The following PLCB4 variants were observed in gnomAD, a reference collection of about 807,000 sequenced individuals.
PLCB4 encodes 1-phosphatidylinositol 4,5-bisphosphate phosphodiesterase beta-4.
Under a neutral mutation model 178.8 loss-of-function variants are expected in PLCB4, and 77 were observed. That is an observed-to-expected ratio of 0.43 (90% confidence interval 0.36 to 0.52). The LOEUF (loss-of-function observed/expected upper bound fraction) is 0.52, where lower values mean the gene tolerates loss of function less well. Ranked by LOEUF, PLCB4 falls within the 20% of genes least tolerant of loss-of-function variation. The pLI, the probability that PLCB4 is intolerant of heterozygous loss-of-function variation, is 0.00. For synonymous variants in PLCB4, 496 were observed against 490.8 expected, an observed-to-expected ratio of 1.01 and a Z score of -0.14; for missense variants, 1,024 against 1,453.4, an observed-to-expected ratio of 0.70 and a Z score of 4.80.
At chr20:9,319,257 C>G (rs2094933603) in intron 4 of PLCB4, among the ~76,000 whole-genome samples, 2 of 152,130 alleles carry the variant, frequency 1.3e-5, no homozygotes, top group African/African-American at 4.8e-5. Flanking sequence ...ATTTTGAAGT[C>G]CCTTCTCGAT....
intron 3 of PLCB4, among the ~76,000 whole-genome samples, chr20:9,223,253 T>C (rs892854105): frequency 1.3e-5 from 2 of 152,162 alleles, no homozygotes; most frequent in African/African-American, 2.4e-5. Context: ...AAGGTATAGT[T>C]AGTGGCCAAA....
intron 2 of PLCB4, among the ~76,000 whole-genome samples, chr20:9,156,280 G>T (rs1489445880): frequency 1.3e-5 from 2 of 152,088 alleles, no homozygotes; most frequent in Non-Finnish European, 2.9e-5. Flanking sequence ...GAGAAGTCAC[G>T]TACAGGTCAC....
chr20:9,070,434 A>T (rs1167545226), intron 1 of PLCB4, among the ~76,000 whole-genome samples: 1 of 152,222 alleles, frequency 6.6e-6, no homozygotes. Context: ...GAGTGGCCTC[A>T]GTTATAGAAT....
intron 4 of PLCB4, among the ~76,000 whole-genome samples, chr20:9,311,460 T>A (rs1396376642): frequency 6.6e-6 from 1 of 152,196 alleles, no homozygotes; most frequent in African/African-American, 2.4e-5. Context: ...GCTGAATAAG[T>A]TTCATTAGCC....
In PLCB4 at chr20:9,082,973, A is replaced by G. The variant is rs147876567; in HGVS notation, c.-134-13314A>G. Among the ~76,000 whole-genome samples, 16 of 152,318 alleles carry G rather than the reference A, an allele frequency of 1.1e-4. No homozygotes were observed. In the East Asian group the frequency reaches 2.7e-3, roughly 26 times the overall value. On this transcript the variant is annotated intron_variant, in intron 1 of 39. Transcript: ENST00000378473. ...TATGTTAATTTTTATTTTCTCAGCT[A>G]CAGTATTATAAACATGGCAGACCAA...
intron 4 of PLCB4, among the ~76,000 whole-genome samples, chr20:9,331,509 A>C (rs756536795): frequency 2.0e-5 from 3 of 152,180 alleles, no homozygotes; most frequent in Non-Finnish European, 4.4e-5. Flanking sequence ...TTAAAATAAA[A>C]TCAGCTACCA....
intron 3 of PLCB4, among the ~76,000 whole-genome samples, chr20:9,245,114 A>G (rs1394573163): frequency 6.6e-6 from 1 of 152,114 alleles, no homozygotes; most frequent in African/African-American, 2.4e-5. Flanking sequence ...GCCTGTTCAT[A>G]TGGTGGAGGC....
intron 22 of PLCB4, 107 bp downstream of exon 22, chr20:9,408,165 C>A: frequency 1.1e-6 from 1 of 877,256 alleles, no homozygotes; most frequent in Non-Finnish European, 1.8e-6. Context: ...GGCATGGGGG[C>A]TGTTCCACCT....
intron 2 of PLCB4, among the ~76,000 whole-genome samples, chr20:9,172,044 T>C (rs915226479): frequency 3.3e-5 from 5 of 152,230 alleles, no homozygotes; most frequent in Non-Finnish European, 5.9e-5. Context: ...TTTTTGTCTT[T>C]GTTTTTAAAA....
chr20:9,272,809 C>CA (rs2094416486), intron 3 of PLCB4, among the ~76,000 whole-genome samples: 1 of 151,454 alleles, frequency 6.6e-6, no homozygotes, highest in Non-Finnish European at 1.5e-5. Context: ...TCTTTGGTGT[C>CA]ATGAAAAGGC....
intron 17 of PLCB4, 68 bp downstream of exon 17, chr20:9,390,683 A>G: frequency 1.3e-6 from 1 of 769,034 alleles, no homozygotes; most frequent in Non-Finnish European, 2.4e-6. Context: ...TGAAGGGTCA[A>G]GTAGTACTAG....
chr20:9,330,799 C>T (rs1425325714), intron 4 of PLCB4, among the ~76,000 whole-genome samples: 2 of 152,160 alleles, frequency 1.3e-5, no homozygotes, highest in African/African-American at 2.4e-5. Flanking sequence ...TCCATCATCA[C>T]GGTAAATCCG....
chr20:9,124,418 G>A (rs1354958939), intron 2 of PLCB4, among the ~76,000 whole-genome samples: 1 of 152,172 alleles, frequency 6.6e-6, no homozygotes, highest in Non-Finnish European at 1.5e-5. Context: ...GATCCCTTGA[G>A]CCTGGGAGTT....
At chr20:9,448,033 A>G (rs2042521426) in intron 32 of PLCB4, among the ~76,000 whole-genome samples, 1 of 152,190 alleles carries the variant, frequency 6.6e-6, no homozygotes, top group South Asian at 2.1e-4. Context: ...TCTCTAAGAA[A>G]AGAATATAGG....
chr20:9,446,621 G>A (rs563460740), intron 32 of PLCB4, among the ~76,000 whole-genome samples: 38 of 152,342 alleles, frequency 2.5e-4, no homozygotes, highest in Admixed American at 6.5e-4. Flanking sequence ...GCTCATGCAT[G>A]TAATCCCAGC....
chr20:9,227,131 T>G (rs1051394761), intron 3 of PLCB4, among the ~76,000 whole-genome samples: 2 of 152,106 alleles, frequency 1.3e-5, no homozygotes, highest in African/African-American at 4.8e-5. Context: ...GCCCATTTTT[T>G]AAGTGGGTTG....
At chr20:9,077,252 T>A (rs1227565486) in intron 1 of PLCB4, among the ~76,000 whole-genome samples, 2 of 152,228 alleles carry the variant, frequency 1.3e-5, no homozygotes, top group African/African-American at 4.8e-5. Context: ...AGATTCAAGA[T>A]CTTTGTTCGT....
chr20:9,075,824 A>C (rs992552514), intron 1 of PLCB4, among the ~76,000 whole-genome samples: 12 of 152,240 alleles, frequency 7.9e-5, no homozygotes, highest in African/African-American at 2.9e-4. Context: ...TTTGGAAATA[A>C]TTAAAATGGA....
At chr20:9,366,706 G>A (rs2035813325) in intron 9 of PLCB4, among the ~76,000 whole-genome samples, 1 of 152,178 alleles carries the variant, frequency 6.6e-6, no homozygotes, top group East Asian at 1.9e-4. Context: ...CTGGGCCCCA[G>A]GGCATCTGCT....
Sources: gnomAD v4.1 joint callset for allele counts (sites outside exome capture counted in the v4.1 genomes callset) on GRCh38, gnomAD v4.1.1 for gene constraint, MANE v1.5 for transcripts, NCBI Gene and HGNC (gene_info 2026-07-23, HGNC 2026-07-21) for gene names.